CDC14A: variants seen among roughly 807,000 people sequenced by gnomAD.
CDC14A encodes cell division cycle 14A, also known as dual specificity protein phosphatase CDC14A.
CDC14A carries 53 observed loss-of-function variants against 74.4 expected under a neutral mutation model. The ratio of observed to expected loss-of-function variants is 0.71; its 90% confidence interval spans 0.57 to 0.89. The LOEUF (loss-of-function observed/expected upper bound fraction) is 0.89, where lower values mean the gene tolerates loss of function less well. Ranked by LOEUF, CDC14A falls within the 40% of genes least tolerant of loss-of-function variation. The probability of loss-of-function intolerance (pLI) is 0.00; values close to 1 mark genes in which losing one functional copy is unlikely to be tolerated. For synonymous variants in CDC14A, 247 were observed against 258.4 expected, an observed-to-expected ratio of 0.96 and a Z score of 0.43; for missense variants, 646 against 713.7, an observed-to-expected ratio of 0.91 and a Z score of 1.08.
At chr1:100,512,095 T>C (rs986766479) in intron 15 of CDC14A, among the ~76,000 whole-genome samples, 1 of 152,164 alleles carries the variant, frequency 6.6e-6, no homozygotes, top group South Asian at 2.1e-4. Flanking sequence ...GATTTTGTAT[T>C]TCTTGACCTG....
At position 100,352,640 on chromosome 1, in the gene CDC14A, G is replaced by T. The variant is rs993619750; in HGVS notation, c.-315G>T. Reference sequence around the variant, plus strand: ...GGGGGAAGACTTTGCCCTGCCCTGAGAGCTGGTCTGCGTTTCCCAGGCGCG... The same window carrying T: ...GGGGGAAGACTTTGCCCTGCCCTGATAGCTGGTCTGCGTTTCCCAGGCGCG... On this transcript the variant is annotated 5_prime_UTR_variant, in exon 1 of 16. Transcript: ENST00000336454. 3 of 1,242,446 alleles carry T rather than the reference G, an allele frequency of 2.4e-6. No individual in the cohort carries two copies. The highest frequency in any genetic ancestry group is 4.1e-5 in the Admixed American group (1 of 24,142). 77.0% of individuals were successfully genotyped at this position (1,242,446 alleles called of 1,614,324 possible). A position where few individuals can be genotyped will look rare whatever the true frequency, so the allele number is the denominator to read the frequency against.
At chr1:100,353,557 C>A (rs918316228) in intron 1 of CDC14A, among the ~76,000 whole-genome samples, 1 of 152,182 alleles carries the variant, frequency 6.6e-6, no homozygotes, top group African/African-American at 2.4e-5. Flanking sequence ...GCTCTGAGCC[C>A]CGCTGAGTTC....
At chr1:100,371,379 C>G (rs1262685479) in intron 2 of CDC14A, among the ~76,000 whole-genome samples, 1 of 152,040 alleles carries the variant, frequency 6.6e-6, no homozygotes, top group Non-Finnish European at 1.5e-5. Flanking sequence ...TGTTTCAACT[C>G]CTAAAGGGAA....
At chr1:100,515,688 T>G (rs1650154939) in intron 15 of CDC14A, among the ~76,000 whole-genome samples, 1 of 152,152 alleles carries the variant, frequency 6.6e-6, no homozygotes, top group Non-Finnish European at 1.5e-5. Flanking sequence ...GCCCCCTTAG[T>G]GCATCTGTAT....
At chr1:100,456,814 T>C (rs1005174854) in intron 8 of CDC14A, among the ~76,000 whole-genome samples, 1 of 152,218 alleles carries the variant, frequency 6.6e-6, no homozygotes, top group Non-Finnish European at 1.5e-5. Flanking sequence ...GATTTTACCA[T>C]GCGAATGGGC....
At chr1:100,357,035 G>C (rs1652011747) in intron 2 of CDC14A, among the ~76,000 whole-genome samples, 1 of 152,044 alleles carries the variant, frequency 6.6e-6, no homozygotes, top group South Asian at 2.1e-4. Flanking sequence ...AGACAGCTTA[G>C]GTTGTGGTGA....
chr1:100,389,842 C>T (rs1644656427), intron 3 of CDC14A, among the ~76,000 whole-genome samples: 1 of 151,996 alleles, frequency 6.6e-6, no homozygotes, highest in Admixed American at 6.6e-5. Flanking sequence ...TCATTAAAGA[C>T]AGTTTATGTA....
At chr1:100,357,451 A>T (rs1035844029) in intron 2 of CDC14A, among the ~76,000 whole-genome samples, 6 of 152,162 alleles carry the variant, frequency 3.9e-5, no homozygotes, top group African/African-American at 1.4e-4. Flanking sequence ...CCCTAGAAGG[A>T]TGTCTAGTAA....
At chr1:100,511,342 T>C (rs983586790) in intron 15 of CDC14A, among the ~76,000 whole-genome samples, 1 of 152,190 alleles carries the variant, frequency 6.6e-6, no homozygotes, top group African/African-American at 2.4e-5. Context: ...TCCTCCGCTC[T>C]ACAGCTGGGA....
upstream of CDC14A, among the ~76,000 whole-genome samples, chr1:100,350,809 C>A (rs1468856663): frequency 6.6e-6 from 1 of 152,166 alleles, no homozygotes; most frequent in Non-Finnish European, 1.5e-5. Flanking sequence ...TTTATTTAGC[C>A]TTTTAAACAA....
At chr1:100,361,865 G>C (rs1652792622) in intron 2 of CDC14A, among the ~76,000 whole-genome samples, 2 of 152,196 alleles carry the variant, frequency 1.3e-5, no homozygotes, top group South Asian at 2.1e-4. Flanking sequence ...GGTGGGGTCA[G>C]TTAGGCTATG....
intron 10 of CDC14A, among the ~76,000 whole-genome samples, chr1:100,482,561 T>C (rs1417565377): frequency 6.6e-6 from 1 of 152,166 alleles, no homozygotes; most frequent in East Asian, 1.9e-4. Context: ...GTGCAAATCC[T>C]GATCATAGGG....
intron 7 of CDC14A, among the ~76,000 whole-genome samples, chr1:100,448,067 G>A (rs1665750676): frequency 6.6e-6 from 1 of 152,038 alleles, no homozygotes; most frequent in African/African-American, 2.4e-5. Flanking sequence ...GGGAAGAAAT[G>A]CAGAGAAATG....
At chr1:100,473,100 A>G (rs753589098) in intron 10 of CDC14A, among the ~76,000 whole-genome samples, 4 of 148,150 alleles carry the variant, frequency 2.7e-5, no homozygotes, top group Admixed American at 6.6e-5. Flanking sequence ...ATCTACAGAT[A>G]ATGTTTCTGG....
chr1:100,401,514 C>T (rs1382955480), intron 4 of CDC14A, among the ~76,000 whole-genome samples: 3 of 152,152 alleles, frequency 2.0e-5, no homozygotes, highest in Non-Finnish European at 2.9e-5. Flanking sequence ...CTTAAAGTTA[C>T]TGAGTAAAAC....
At chr1:100,429,774 T>TATTTATATATATATTATATATATATCAA in intron 5 of CDC14A, among the ~76,000 whole-genome samples, 1 of 148,204 alleles carries the variant, frequency 6.7e-6, no homozygotes, top group Admixed American at 6.8e-5. Context: ...ATATCAAGTG[T>TATTTATATATATATTATATATATATCAA]GTATATATAT....
At chr1:100,434,049 C>T (rs1638853881) in intron 5 of CDC14A, among the ~76,000 whole-genome samples, 2 of 152,110 alleles carry the variant, frequency 1.3e-5, no homozygotes, top group Non-Finnish European at 2.9e-5. Context: ...ACACTAAACA[C>T]AAAATAAACA....
intron 2 of CDC14A, among the ~76,000 whole-genome samples, chr1:100,357,686 T>C (rs7527474): frequency 0.84 from 126,618 of 150,748 alleles, 54,538 homozygotes; most frequent in East Asian, 0.96. Context: ...GCTTGAGGCC[T>C]GCAGTTGAAC....
At chr1:100,414,273 G>A (rs1021065965) in intron 4 of CDC14A, among the ~76,000 whole-genome samples, 1 of 150,284 alleles carries the variant, frequency 6.7e-6, no homozygotes, top group African/African-American at 2.5e-5. Flanking sequence ...CGAGACCAGC[G>A]TGGGCAACAT....
Sources: gnomAD v4.1 joint callset for allele counts (sites outside exome capture counted in the v4.1 genomes callset) on GRCh38, gnomAD v4.1.1 for gene constraint, MANE v1.5 for transcripts, NCBI Gene and HGNC (gene_info 2026-07-23, HGNC 2026-07-21) for gene names.